Variants in TRIT1 observed in about 807,000 individuals in gnomAD.
TRIT1 encodes the protein tRNA dimethylallyltransferase.
Under a neutral mutation model 51.2 loss-of-function variants are expected in TRIT1, and 43 were observed. The observed-to-expected ratio is 0.84, with a 90% CI of 0.66 to 1.08. The LOEUF (loss-of-function observed/expected upper bound fraction) is 1.08. Among genes scored for constraint, TRIT1 ranks in the 50% least tolerant of loss-of-function variants. TRIT1 has a pLI of 0.00. For missense variants in TRIT1, 528 were observed against 578.4 expected, an observed-to-expected ratio of 0.91 and a Z score of 0.89; for synonymous variants, 184 against 203.9, an observed-to-expected ratio of 0.90 and a Z score of 0.83.
chr1:39,863,666 C>G (rs1370246493), intron 1 of TRIT1, among the ~76,000 whole-genome samples: 1 of 148,002 alleles, frequency 6.8e-6, no homozygotes, highest in Non-Finnish European at 1.5e-5. Flanking sequence ...AAAAATGGTA[C>G]AACGCTGAAA....
At chr1:39,879,897 T>TC (rs1186712864) in intron 1 of TRIT1, among the ~76,000 whole-genome samples, 4 of 108,042 alleles carry the variant, frequency 3.7e-5, no homozygotes, top group South Asian at 5.8e-4. Flanking sequence ...AAAAAAAAGG[T>TC]CAGGCATGGT....
rs1557595688 is a variant in TRIT1, at chr1:39,883,202, T to C, written c.174+116A>G. 5.2e-6 allele frequency: 6 copies of C among 1,143,506 alleles called. No individual in the cohort carries two copies. In the East Asian group the frequency reaches 7.9e-5, roughly 15 times the overall value. The allele number at this position is 1,143,506 out of a possible 1,614,324, so 70.8% of individuals were successfully genotyped here. Reference sequence around the variant, plus strand: ...GGTGCTTAGTAAGTATGGGCTCCCTTTACCTACCCCCTCCGCCCCTACAAG... The same window carrying C: ...GGTGCTTAGTAAGTATGGGCTCCCTCTACCTACCCCCTCCGCCCCTACAAG... On this transcript the variant is annotated intron_variant, in intron 1 of 10. Coordinates refer to ENST00000316891, the MANE Select transcript of TRIT1 (RefSeq NM_017646.6).
intron 1 of TRIT1, among the ~76,000 whole-genome samples, chr1:39,858,366 C>T (rs979678955): frequency 3.7e-4 from 57 of 152,298 alleles, no homozygotes; most frequent in African/African-American, 1.3e-3. Context: ...CCTAGCTCTA[C>T]CACTTACTAG....
chr1:39,879,399 T>C (rs1644171673), intron 1 of TRIT1, among the ~76,000 whole-genome samples: 1 of 152,158 alleles, frequency 6.6e-6, no homozygotes, highest in Non-Finnish European at 1.5e-5. Context: ...AGACTCCAGG[T>C]CTGCTACTTA....
At position 39,844,640 on chromosome 1, in the gene TRIT1, C is replaced by A. The variant is rs773896320; in HGVS notation, c.1007G>T (p.Arg336Ile). 1.1e-5 allele frequency: 18 copies of A among 1,609,432 alleles called. No individual in the cohort carries two copies. Among genetic ancestry groups the A allele is most frequent in the Non-Finnish European group, 1.4e-5 (17 of 1,175,902 alleles). The change falls in exon 9 of 11, where the codon AGA becomes ATA. Residue 336 changes from arginine (R) to isoleucine (I), a missense_variant and splice_region_variant. Arg to Ile is a moderately conservative substitution (Grantham distance 97). Around this residue, in one of 3 missense-constraint regions of TRIT1, gnomAD observed 468 missense variants for 522.6 expected, o/e 0.90. Coordinates refer to ENST00000316891, the MANE Select transcript of TRIT1 (RefSeq NM_017646.6). The stretch of plus-strand genomic sequence containing the variant: ...GACAGGGGGGACAATGGGACCAGGT[C>A]CTAATGATGACAAAGAAAGGTTGTG... ...NRWVKNRFLS[R>I]PGPIVPPVYG...
intron 1 of TRIT1, among the ~76,000 whole-genome samples, chr1:39,880,776 G>A (rs1442273568): frequency 2.0e-5 from 3 of 151,422 alleles, no homozygotes; most frequent in Non-Finnish European, 4.4e-5. Context: ...TCCAGCCTGG[G>A]CGACAGAGCA....
Position 39,841,738 on chromosome 1 carries a change from T to C in TRIT1, c.*6A>G. On this transcript the variant is annotated 3_prime_UTR_variant, in exon 11 of 11. Coordinates refer to ENST00000316891, the MANE Select transcript of TRIT1 (RefSeq NM_017646.6). ...CCACCTTTCCAAAGGCCACTGGACA[T>C]GTCTCTTAAACGCTGCATTTCAGCT... 1.2e-6 allele frequency: 2 copies of C among 1,606,470 alleles called. No individual in the cohort carries two copies. The highest frequency in any genetic ancestry group is 2.2e-5 in the East Asian group (1 of 44,736).
Position 39,862,152 on chromosome 1 carries a change from T to C in TRIT1, c.175-4735A>G, listed in dbSNP as rs140425628. Reference sequence around the variant, plus strand: ...GGGAGAGGGGAAAATAGGGATTTATTGTTTAACTGGTACAGAGTTTCATTT... The same window carrying C: ...GGGAGAGGGGAAAATAGGGATTTATCGTTTAACTGGTACAGAGTTTCATTT... On this transcript the variant is annotated intron_variant, in intron 1 of 10. Coordinates refer to ENST00000316891, the MANE Select transcript of TRIT1 (RefSeq NM_017646.6). Among the ~76,000 whole-genome samples, 525 of 152,186 alleles carry C rather than the reference T, an allele frequency of 3.4e-3. 1 individual carries two copies. Among genetic ancestry groups the C allele is most frequent in the African/African-American group, 0.012 (480 of 41,516 alleles).
At chr1:39,875,612 TCCCTCAAGTA>T (rs758268478) in intron 1 of TRIT1, among the ~76,000 whole-genome samples, 1 of 152,138 alleles carries the variant, frequency 6.6e-6, no homozygotes, top group Non-Finnish European at 1.5e-5. Flanking sequence ...CCTACCACTG[TCCCTCAAGTA>T]CCCTCTATGC....
intron 1 of TRIT1, among the ~76,000 whole-genome samples, chr1:39,870,301 CTTGAAGGCAGCATGCTCG>C (rs1557575887): frequency 6.6e-6 from 1 of 152,020 alleles, no homozygotes. Context: ...TAAACAGATG[CTTGAAGGCAGCATGCTCG>C]TAAAGAGTCA....
chr1:39,846,202 G>A (rs75590407), intron 8 of TRIT1, among the ~76,000 whole-genome samples: 103 of 152,344 alleles, frequency 6.8e-4, no homozygotes, highest in Admixed American at 1.9e-3. Context: ...AGCTCAGGCA[G>A]AGAGTGGGAG....
intron 3 of TRIT1, 149 bp from the exon 4 acceptor site, chr1:39,853,025 T>C: frequency 1.1e-6 from 1 of 884,312 alleles, no homozygotes; most frequent in Non-Finnish European, 1.7e-6. Context: ...TCCAATATGC[T>C]GTGGTAAGTG....
Position 39,882,488 on chromosome 1 carries a change from T to C in TRIT1, c.174+830A>G, listed in dbSNP as rs979299680. The stretch of plus-strand genomic sequence containing the variant: ...TCCTCCATCAGAGATTTACCCAAAA[T>C]GTCACCCACTACCCACTCTTAATGG... On this transcript the variant is annotated intron_variant, in intron 1 of 10. Coordinates refer to ENST00000316891, the MANE Select transcript of TRIT1 (RefSeq NM_017646.6). Among the ~76,000 whole-genome samples the C allele has an allele frequency of 5.3e-5, 8 of 152,240 alleles. No homozygotes were observed. The East Asian group carries it at 1.5e-3, about 29-fold the overall frequency.
In TRIT1 at chr1:39,880,149, T is replaced by A. The variant is rs114290849; in HGVS notation, c.174+3169A>T. On this transcript the variant is annotated intron_variant, in intron 1 of 10. Transcript: ENST00000316891. Reference sequence around the variant, plus strand: ...GAGACAGTGCCACTGTACTCCAGCCTAGTGACAGAGCAATACTCCGTCTCA... The same window carrying A: ...GAGACAGTGCCACTGTACTCCAGCCAAGTGACAGAGCAATACTCCGTCTCA... Among the ~76,000 whole-genome samples, 544 of 145,022 alleles carry A rather than the reference T, an allele frequency of 3.8e-3. 2 individuals carry two copies. The highest frequency in any genetic ancestry group is 5.6e-3 in the Non-Finnish European group (372 of 66,764).
At chr1:39,879,781 G>A (rs1355264641) in intron 1 of TRIT1, among the ~76,000 whole-genome samples, 2 of 149,914 alleles carry the variant, frequency 1.3e-5, no homozygotes, top group Non-Finnish European at 3.0e-5. Context: ...GCTGAGGCAG[G>A]AGAATCACTT....
intron 5 of TRIT1, 91 bp from the exon 6 acceptor site, chr1:39,848,188 G>C: frequency 1.1e-6 from 1 of 879,958 alleles, no homozygotes; most frequent in Non-Finnish European, 1.9e-6. Context: ...CACAAAAAAA[G>C]AGAATTTGTC....
intron 8 of TRIT1, among the ~76,000 whole-genome samples, chr1:39,845,081 A>G (rs1010876274): frequency 3.3e-5 from 5 of 152,238 alleles, no homozygotes; most frequent in African/African-American, 1.2e-4. Context: ...TCGGGTTTGC[A>G]TATATTCCCT....
chr1:39,882,897 T>C (rs956844454), intron 1 of TRIT1, among the ~76,000 whole-genome samples: 77 of 152,314 alleles, frequency 5.1e-4, no homozygotes, highest in African/African-American at 1.7e-3. Flanking sequence ...ATCCAATTTA[T>C]CCTGATCTCG....
At chr1:39,863,555 C>A (rs1643365531) in intron 1 of TRIT1, among the ~76,000 whole-genome samples, 1 of 151,968 alleles carries the variant, frequency 6.6e-6, no homozygotes, top group African/African-American at 2.4e-5. Flanking sequence ...AACCACTAAA[C>A]ATTTAATGTT....
Sources: gnomAD v4.1 joint callset for allele counts (sites outside exome capture counted in the v4.1 genomes callset) on GRCh38, gnomAD v4.1.1 for gene constraint, gnomAD v4.1.1 regional missense constraint, MANE v1.5 for transcripts, NCBI Gene and HGNC (gene_info 2026-07-23, HGNC 2026-07-21) for gene names.